DPY19L1: variants seen among roughly 807,000 people sequenced by gnomAD.
The protein encoded by DPY19L1 is dpy-19 like C-mannosyltransferase 1.
A neutral mutation model predicts 96.9 loss-of-function variants in DPY19L1; 35 were observed. The observed-to-expected ratio is 0.36, with a 90% CI of 0.28 to 0.48. The LOEUF (loss-of-function observed/expected upper bound fraction) is 0.48, where lower values mean the gene tolerates loss of function less well. Ranked by LOEUF, DPY19L1 falls within the 20% of genes least tolerant of loss-of-function variation. DPY19L1 has a pLI of 0.99. For synonymous variants in DPY19L1, 205 were observed against 252.6 expected (o/e 0.81, Z 1.79); for missense variants, 521 against 777.9 (o/e 0.67, Z 3.93).
intron 7 of DPY19L1, among the ~76,000 whole-genome samples, chr7:34,982,215 T>C (rs2128670488): frequency 6.6e-6 from 1 of 152,284 alleles, no homozygotes; most frequent in Admixed American, 6.5e-5. Context: ...AAAATGAGAA[T>C]ATGGGCTGTA....
chr7:34,989,993 A>C, intron 6 of DPY19L1, 52 bp from the exon 7 acceptor site: 1 of 1,496,010 alleles, frequency 6.7e-7, no homozygotes, highest in Non-Finnish European at 9.1e-7. Flanking sequence ...GTCAATCCTA[A>C]GAAAAACCTT....
intron 6 of DPY19L1, among the ~76,000 whole-genome samples, chr7:34,999,599 G>C (rs1456273151): frequency 2.0e-5 from 3 of 152,146 alleles, no homozygotes; most frequent in Non-Finnish European, 4.4e-5. Flanking sequence ...CGGAAGCCCA[G>C]GGAAGGACGG....
intron 16 of DPY19L1, among the ~76,000 whole-genome samples, chr7:34,944,947 T>G (rs1784110767): frequency 6.6e-6 from 1 of 152,238 alleles, no homozygotes; most frequent in Admixed American, 6.5e-5. Context: ...GGTCTTCACT[T>G]TAACCTGAAT....
At chr7:34,982,660 T>C (rs1338696586) in intron 7 of DPY19L1, among the ~76,000 whole-genome samples, 1 of 152,238 alleles carries the variant, frequency 6.6e-6, no homozygotes, top group Non-Finnish European at 1.5e-5. Context: ...GGATCTGCCA[T>C]AGGCAGAGAG....
intron 6 of DPY19L1, among the ~76,000 whole-genome samples, chr7:35,001,941 T>C (rs902889523): frequency 6.6e-6 from 1 of 151,718 alleles, no homozygotes; most frequent in Non-Finnish European, 1.5e-5. Context: ...CTGGCCAACA[T>C]GGTAAAAACC....
At chr7:34,993,193 C>T (rs981453979) in intron 6 of DPY19L1, among the ~76,000 whole-genome samples, 20 of 152,266 alleles carry the variant, frequency 1.3e-4, no homozygotes, top group African/African-American at 4.3e-4. Context: ...TTCTGCACTT[C>T]CTGTCTTGTC....
intron 8 of DPY19L1, among the ~76,000 whole-genome samples, chr7:34,972,703 TCA>T (rs780414223): frequency 2.0e-5 from 3 of 152,310 alleles, no homozygotes; most frequent in East Asian, 3.9e-4. Context: ...TCATAGAGGT[TCA>T]CCTTATTTGA....
chr7:34,979,324 A>G (rs1784891864), intron 7 of DPY19L1, among the ~76,000 whole-genome samples: 1 of 152,114 alleles, frequency 6.6e-6, no homozygotes, highest in African/African-American at 2.4e-5. Flanking sequence ...GGTTATCAAC[A>G]TAACCAAAAT....
chr7:34,969,976 T>C (rs1235768473), intron 8 of DPY19L1, among the ~76,000 whole-genome samples: 1 of 152,098 alleles, frequency 6.6e-6, no homozygotes, highest in African/African-American at 2.4e-5. Context: ...TGTAAGCATG[T>C]GAGATAAAAA....
At chr7:34,951,599 AAG>A (rs1784267414) in intron 13 of DPY19L1, among the ~76,000 whole-genome samples, 1 of 152,026 alleles carries the variant, frequency 6.6e-6, no homozygotes, top group African/African-American at 2.4e-5. Flanking sequence ...ATCAGAAAAT[AAG>A]AGAGGTAAAA....
At chr7:35,008,026 G>A (rs1785606693) in intron 6 of DPY19L1, among the ~76,000 whole-genome samples, 2 of 151,792 alleles carry the variant, frequency 1.3e-5, no homozygotes. Context: ...CAGCAAAACT[G>A]ATCTGCTTAT....
At chr7:34,977,567 T>C (rs1784855647) in intron 7 of DPY19L1, among the ~76,000 whole-genome samples, 2 of 152,244 alleles carry the variant, frequency 1.3e-5, no homozygotes, top group South Asian at 4.1e-4. Context: ...CTTTCTATTG[T>C]TTCTCCAATA....
At position 34,945,652 on chromosome 7, in the gene DPY19L1, T is replaced by A; in HGVS notation, c.1544+15A>T. The A allele has an allele frequency of 6.4e-7, 1 of 1,558,704 alleles. No homozygotes were observed. Among genetic ancestry groups the A allele is most frequent in the South Asian group, 1.1e-5 (1 of 87,016 alleles). ...TGAACAGAGGAGGTAATAAAATTCT[T>A]AATAGCATATTTACCTTACATGTGT... On this transcript the variant is annotated intron_variant, in intron 16 of 21. Coordinates refer to ENST00000638088, the MANE Select transcript of DPY19L1 (RefSeq NM_001366673.1).
At chr7:35,029,195 C>T (rs763519250) in intron 1 of DPY19L1, among the ~76,000 whole-genome samples, 3 of 152,178 alleles carry the variant, frequency 2.0e-5, no homozygotes, top group Non-Finnish European at 4.4e-5. Context: ...ATGACTTTGA[C>T]GCAAACATTT....
intron 1 of DPY19L1, among the ~76,000 whole-genome samples, chr7:35,023,136 G>T (rs1392320633): frequency 6.6e-6 from 1 of 152,084 alleles, no homozygotes; most frequent in East Asian, 1.9e-4. Context: ...CGAAGACACT[G>T]AACAAACCAT....
At chr7:34,938,782 T>G (rs759339021) in intron 20 of DPY19L1, among the ~76,000 whole-genome samples, 1 of 152,176 alleles carries the variant, frequency 6.6e-6, no homozygotes, top group Non-Finnish European at 1.5e-5. Flanking sequence ...TCTAAATTAT[T>G]TTTTAAAGTC....
chr7:35,009,969 C>A (rs565209866), intron 6 of DPY19L1, among the ~76,000 whole-genome samples: 15 of 152,296 alleles, frequency 9.8e-5, no homozygotes, highest in African/African-American at 3.6e-4. Context: ...GTGGCTCATG[C>A]CTGTAATCCC....
rs547754520 is a variant in DPY19L1, at chr7:35,007,225, A to G, written c.764+3243T>C. ...TAATATACATCAGGATCAATTTTGG[A>G]AAGAACCTTCAGTTAACGATGCCTT... On this transcript the variant is annotated intron_variant, in intron 6 of 21. Coordinates refer to ENST00000638088, the MANE Select transcript of DPY19L1 (RefSeq NM_001366673.1). Among the ~76,000 whole-genome samples, 4 of 152,364 alleles carry G rather than the reference A, an allele frequency of 2.6e-5. No homozygotes were observed. In the South Asian group the frequency reaches 8.3e-4, roughly 32 times the overall value.
intron 6 of DPY19L1, among the ~76,000 whole-genome samples, chr7:35,005,641 A>G (rs560878617): frequency 2.8e-3 from 268 of 97,222 alleles, no homozygotes; most frequent in African/African-American, 8.8e-3. Flanking sequence ...TCTACTAAAA[A>G]AAAAAAAAAA....
Sources: gnomAD v4.1 joint callset for allele counts (sites outside exome capture counted in the v4.1 genomes callset) on GRCh38, gnomAD v4.1.1 for gene constraint, MANE v1.5 for transcripts, NCBI Gene and HGNC (gene_info 2026-07-23, HGNC 2026-07-21) for gene names.